The following NDUFAF6 variants were observed in gnomAD, a reference collection of about 807,000 sequenced individuals.
NDUFAF6 encodes the protein NADH dehydrogenase (ubiquinone) complex I, assembly factor 6.
A neutral mutation model predicts 40.8 loss-of-function variants in NDUFAF6; 45 were observed. The ratio of observed to expected loss-of-function variants is 1.10; its 90% confidence interval spans 0.87 to 1.42. The LOEUF (loss-of-function observed/expected upper bound fraction) is 1.42, where lower values mean the gene tolerates loss of function less well. NDUFAF6 is among the 40% of genes most tolerant of loss of function. The pLI is 0.00. For missense variants in NDUFAF6, 435 were observed against 418.5 expected (o/e 1.04, Z -0.34); for synonymous variants, 185 against 155.9 (o/e 1.19, Z -1.39).
intron 1 of NDUFAF6, among the ~76,000 whole-genome samples, chr8:94,905,563 T>G (rs1394319009): frequency 6.6e-6 from 1 of 152,180 alleles, no homozygotes; most frequent in Non-Finnish European, 1.5e-5. Context: ...GCTTCCCTGG[T>G]CCTTCCCCAG....
chr8:94,938,211 C>T (rs1821178887), intron 1 of NDUFAF6, among the ~76,000 whole-genome samples: 4 of 152,184 alleles, frequency 2.6e-5, no homozygotes. Flanking sequence ...ACCTGCAAAC[C>T]TGAGTGGCCT....
chr8:95,036,422 A>G (rs768605134), intron 3 of NDUFAF6: 39 of 1,289,304 alleles, frequency 3.0e-5, no homozygotes, highest in Non-Finnish European at 3.8e-5. Context: ...GATTGACTTC[A>G]CAGAGCCCCA....
rs943976351 is a variant in NDUFAF6, at chr8:94,896,642, G to A, written c.-936+715G>A. ...TGCCCAGGCCCTGAGCGAGCCGGAC[G>A]GCGAGCGGGCCGCGCCGGGGAGACG... is the stretch of plus-strand genomic sequence containing the variant. On this transcript the variant is annotated intron_variant, in intron 1 of 14. Coordinates refer to the NDUFAF6 transcript ENST00000396113. 3.4e-4 allele frequency: 52 copies of A among 152,116 alleles called. 1 individual carries two copies. Among genetic ancestry groups the A allele is most frequent in the African/African-American group, 1.2e-3 (50 of 41,524 alleles). The allele number at this position is 152,116 out of a possible 1,614,324, so 9.4% of individuals were successfully genotyped here.
intron 4 of NDUFAF6, among the ~76,000 whole-genome samples, chr8:95,114,946 C>A (rs1474852738): frequency 1.3e-5 from 2 of 152,020 alleles, no homozygotes; most frequent in East Asian, 3.9e-4. Flanking sequence ...TTTGTAATCC[C>A]AGCTACTCGG....
At chr8:95,059,084 C>G (rs1289080243), downstream of NDUFAF6, among the ~76,000 whole-genome samples, 1 of 152,118 alleles carries the variant, frequency 6.6e-6, no homozygotes. Context: ...TTAGAAAATG[C>G]ATCCCAATTG....
intron 1 of NDUFAF6, chr8:94,975,169 G>A (rs1425956080): frequency 6.6e-6 from 1 of 152,358 alleles, no homozygotes; most frequent in East Asian, 1.9e-4. Flanking sequence ...GTAACTGTTA[G>A]GGCCAGGTAG....
At chr8:94,921,873 A>C (rs1301023521) in intron 1 of NDUFAF6, among the ~76,000 whole-genome samples, 1 of 152,222 alleles carries the variant, frequency 6.6e-6, no homozygotes, top group Non-Finnish European at 1.5e-5. Flanking sequence ...CAATGGTCTC[A>C]AAGTGTATTC....
chr8:94,903,209 A>C (rs944035788), intron 1 of NDUFAF6, among the ~76,000 whole-genome samples: 1 of 152,100 alleles, frequency 6.6e-6, no homozygotes, highest in East Asian at 1.9e-4. Context: ...AAAATAAAGA[A>C]GTTAGCTGGG....
chr8:94,987,295 AC>A (rs1174087686), intron 2 of NDUFAF6, among the ~76,000 whole-genome samples: 1 of 152,060 alleles, frequency 6.6e-6, no homozygotes, highest in African/African-American at 2.4e-5. Flanking sequence ...TGGTCACCCA[AC>A]CCCCTCCAAA....
intron 2 of NDUFAF6, among the ~76,000 whole-genome samples, chr8:95,083,238 T>A (rs779597820): frequency 6.0e-5 from 8 of 132,318 alleles, no homozygotes; most frequent in Non-Finnish European, 1.1e-4. Context: ...ATGTAGTAGA[T>A]AATTCTTCCT....
chr8:94,942,691 A>C (rs1943673515), intron 1 of NDUFAF6, among the ~76,000 whole-genome samples: 1 of 152,204 alleles, frequency 6.6e-6, no homozygotes, highest in African/African-American at 2.4e-5. Flanking sequence ...AGTGTGATGA[A>C]TGCCATGGAA....
intron 1 of NDUFAF6, among the ~76,000 whole-genome samples, chr8:94,909,375 A>AAAAAAAAC (rs1563700253): frequency 1.8e-5 from 1 of 55,846 alleles, no homozygotes; most frequent in African/African-American, 5.2e-5. Flanking sequence ...AAAAAAAAAA[A>AAAAAAAAC]AAAAAAACAC....
At chr8:95,105,069 A>G (rs1442804376), downstream of NDUFAF6, among the ~76,000 whole-genome samples, 1 of 6,860 alleles carries the variant, frequency 1.5e-4, no homozygotes, top group Non-Finnish European at 3.1e-4. Flanking sequence ...ACACACACAG[A>G]GAGAGAGAGA....
upstream of NDUFAF6, chr8:95,024,915 G>A: frequency 9.0e-7 from 1 of 1,112,108 alleles, no homozygotes; most frequent in Non-Finnish European, 1.1e-6. Flanking sequence ...GCCTTCCCGC[G>A]ACTCAAAGGA....
chr8:94,972,149 A>G (rs1357441087), intron 1 of NDUFAF6, among the ~76,000 whole-genome samples: 2 of 152,242 alleles, frequency 1.3e-5, no homozygotes, highest in Non-Finnish European at 1.5e-5. Flanking sequence ...CTAGAAAGCT[A>G]CTTTCTGAAA....
intron 2 of NDUFAF6, among the ~76,000 whole-genome samples, chr8:95,093,623 G>T (rs6471519): frequency 0.41 from 62,345 of 151,798 alleles, 14,159 homozygotes; most frequent in East Asian, 0.73. Flanking sequence ...AAACCTGCTT[G>T]TAACAAAGTA....
rs1826759330 is a variant in NDUFAF6, at chr8:95,002,024, G to A, written c.-84+21051G>A. Among the ~76,000 whole-genome samples the A allele has an allele frequency of 1.3e-5, 2 of 152,164 alleles. 1 individual carries two copies. Among genetic ancestry groups the A allele is most frequent in the Admixed American group, 1.3e-4 (2 of 15,270 alleles). On this transcript the variant is annotated intron_variant, in intron 2 of 9. Coordinates refer to the NDUFAF6 transcript ENST00000396111. ...CAGATTAACCTGCACTTATTTAGTT[G>A]GAAAGAAGTTTGAAGACAATGAAAA...
intron 9 of NDUFAF6, chr8:95,072,980 T>G (rs1281957626): frequency 6.5e-6 from 1 of 153,164 alleles, no homozygotes; most frequent in Non-Finnish European, 1.5e-5. Context: ...ATCCTCGAGG[T>G]TGGCCTGCTT....
intron 4 of NDUFAF6, among the ~76,000 whole-genome samples, chr8:95,111,344 A>G (rs937769368): frequency 6.6e-6 from 1 of 152,226 alleles, no homozygotes; most frequent in Non-Finnish European, 1.5e-5. Context: ...CTTCACAAAC[A>G]TCACAGAAAA....
Sources: allele counts gnomAD v4.1 joint callset (sites outside exome capture counted in the v4.1 genomes callset), GRCh38; gene constraint gnomAD v4.1.1; transcripts MANE v1.5; gene names NCBI Gene and HGNC (gene_info 2026-07-23, HGNC 2026-07-21).